The following PLAAT5 variants were observed in gnomAD, a reference collection of about 807,000 sequenced individuals.
The protein encoded by PLAAT5 is Ca(2+)-independent N-acyltransferase.
In PLAAT5, 27 loss-of-function variants were observed where a neutral mutation model predicts 27.8. The ratio of observed to expected loss-of-function variants is 0.97; its 90% CI spans 0.72 to 1.34. The LOEUF (loss-of-function observed/expected upper bound fraction) is 1.34, where lower values mean the gene tolerates loss of function less well. Ranked by LOEUF, PLAAT5 falls within the 40% of genes most tolerant of loss-of-function variation. The probability of loss-of-function intolerance (pLI) is 0.00; values close to 1 mark genes in which losing one functional copy is unlikely to be tolerated. For synonymous variants in PLAAT5, 125 were observed against 136.1 expected, an observed-to-expected ratio of 0.92 and a Z score of 0.57; for missense variants, 368 against 343.8, an observed-to-expected ratio of 1.07 and a Z score of -0.56.
chr11:63,480,208 A>G (rs1590621860), intron 3 of PLAAT5, among the ~76,000 whole-genome samples: 2 of 152,228 alleles, frequency 1.3e-5, no homozygotes, highest in African/African-American at 4.8e-5. Flanking sequence ...GTCATTCCCT[A>G]TGACAACAAA....
chr11:63,476,354 T>A (rs1347700118), intron 3 of PLAAT5, among the ~76,000 whole-genome samples: 1 of 152,124 alleles, frequency 6.6e-6, no homozygotes, highest in Non-Finnish European at 1.5e-5. Flanking sequence ...TGACTTTCTT[T>A]CCACCCAAAG....
intron 3 of PLAAT5, among the ~76,000 whole-genome samples, chr11:63,475,309 T>A (rs929388294): frequency 6.6e-6 from 1 of 152,126 alleles, no homozygotes; most frequent in Non-Finnish European, 1.5e-5. Flanking sequence ...AGTTTTTGCT[T>A]CATACTTTTT....
chr11:63,478,602 C>G (rs1173363965), intron 3 of PLAAT5, among the ~76,000 whole-genome samples: 1 of 152,220 alleles, frequency 6.6e-6, no homozygotes, highest in Non-Finnish European at 1.5e-5. Flanking sequence ...CGTGAGCCCA[C>G]GCCCGACCAC....
chr11:63,476,831 A>G (rs535934891), intron 3 of PLAAT5, among the ~76,000 whole-genome samples: 5 of 152,128 alleles, frequency 3.3e-5, no homozygotes, highest in Non-Finnish European at 7.4e-5. Context: ...GGTTTGCTCA[A>G]TGGTGTCTCC....
At chr11:63,464,978 T>C (rs1271184972) in intron 5 of PLAAT5, among the ~76,000 whole-genome samples, 2 of 152,040 alleles carry the variant, frequency 1.3e-5, no homozygotes, top group African/African-American at 4.8e-5. Context: ...ATCAATTGTA[T>C]GTTAAAAAGA....
intron 5 of PLAAT5, among the ~76,000 whole-genome samples, chr11:63,464,548 C>T (rs749919564): frequency 2.0e-5 from 3 of 151,846 alleles, no homozygotes; most frequent in Non-Finnish European, 4.4e-5. Flanking sequence ...CCCAGCTACT[C>T]GGGAGGCTGA....
At chr11:63,483,398 T>C (rs1459738520) in intron 3 of PLAAT5, among the ~76,000 whole-genome samples, 2 of 151,950 alleles carry the variant, frequency 1.3e-5, no homozygotes, top group Admixed American at 1.3e-4. Context: ...ATCGAAAATA[T>C]ATCAAGTACC....
At chr11:63,480,286 T>C (rs1390207710) in intron 3 of PLAAT5, among the ~76,000 whole-genome samples, 4 of 152,190 alleles carry the variant, frequency 2.6e-5, no homozygotes, top group African/African-American at 9.7e-5. Context: ...ACCCAATTCA[T>C]TGTGAGGCCA....
intron 3 of PLAAT5, among the ~76,000 whole-genome samples, chr11:63,480,674 G>A (rs570766883): frequency 6.6e-6 from 1 of 152,254 alleles, no homozygotes; most frequent in East Asian, 1.9e-4. Flanking sequence ...AGTTTTAAAA[G>A]CTCCTTAGGT....
At chr11:63,481,062 T>C (rs910041228) in intron 3 of PLAAT5, among the ~76,000 whole-genome samples, 2 of 152,250 alleles carry the variant, frequency 1.3e-5, no homozygotes, top group Admixed American at 1.3e-4. Flanking sequence ...CTGGAGCATT[T>C]TTCATCCATA....
Position 63,482,077 on chromosome 11 carries a change from T to G in PLAAT5, c.345+6794A>C, listed in dbSNP as rs142573645. On this transcript the variant is annotated intron_variant, in intron 3 of 5. Transcript: ENST00000540857. ...ATAATAATAAAAAAAAAGAAAAAAATAATCAAAAGTATGAACAAAGCCTCC... is the reference window on the plus strand; with the variant it reads ...ATAATAATAAAAAAAAAGAAAAAAAGAATCAAAAGTATGAACAAAGCCTCC... Among the ~76,000 whole-genome samples the G allele has an allele frequency of 1.6e-4, 25 of 151,518 alleles. No individual in the cohort carries two copies. The East Asian group carries it at 4.1e-3, about 25-fold the overall frequency.
chr11:63,491,151 G>T lies in PLAAT5; in HGVS notation c.-117C>A. On this transcript the variant is annotated 5_prime_UTR_variant, in exon 1 of 6. Transcript: ENST00000540857. Reference sequence around the variant, plus strand: ...CGCGGAAGCTTGGGCACTGGGGGCGGCTCGGGGAGGAACCGCGGAGGGGAA... The same window carrying T: ...CGCGGAAGCTTGGGCACTGGGGGCGTCTCGGGGAGGAACCGCGGAGGGGAA... The T allele has an allele frequency of 1.1e-6, 1 of 910,478 alleles. No individual in the cohort carries two copies. Among genetic ancestry groups the T allele is most frequent in the Non-Finnish European group, 1.5e-6 (1 of 668,136 alleles). The allele number at this position is 910,478 out of a possible 1,614,324, so 56.4% of individuals were successfully genotyped here. A position where few individuals can be genotyped will look rare whatever the true frequency, so the allele number is the denominator to read the frequency against.
intron 1 of PLAAT5, chr11:63,490,611 G>A: frequency 1.6e-6 from 1 of 611,720 alleles, no homozygotes; most frequent in Non-Finnish European, 2.8e-6. Context: ...CCGATGGGAG[G>A]AACCTCTGCC....
At chr11:63,474,698 G>C (rs1456645943) in intron 3 of PLAAT5, among the ~76,000 whole-genome samples, 1 of 151,316 alleles carries the variant, frequency 6.6e-6, no homozygotes, top group Non-Finnish European at 1.5e-5. Context: ...TCTTACTTCT[G>C]CTTGTTTTGG....
In PLAAT5 at chr11:63,490,290, C is replaced by T. The variant is rs768380801; in HGVS notation, c.192G>A (p.Lys64=). The change falls in exon 2 of 6, where the codon AAG becomes AAA. Residue 64 remains lysine (K), a synonymous_variant. Coordinates refer to ENST00000540857, the MANE Select transcript of PLAAT5 (RefSeq NM_001146729.2). ...GTTCTAATGTGCCCGGCGGAGGCTG[C>T]TTGGCTGGGAGCTGGACCAACGCTG... ...GFAALVQLPA[K]QPPPGTLEQG... is the part of the protein sequence containing the mutation. 2 of 1,614,224 alleles carry T rather than the reference C, an allele frequency of 1.2e-6. No individual in the cohort carries two copies. Among genetic ancestry groups the T allele is most frequent in the Non-Finnish European group, 1.7e-6 (2 of 1,180,038 alleles).
intron 1 of PLAAT5, chr11:63,490,577 G>T: frequency 1.5e-6 from 1 of 652,102 alleles, no homozygotes. Flanking sequence ...GGATGAAGAA[G>T]GGCGCCTCGC....
At chr11:63,468,114 C>T (rs949792879) in intron 4 of PLAAT5, among the ~76,000 whole-genome samples, 2 of 152,134 alleles carry the variant, frequency 1.3e-5, no homozygotes, top group African/African-American at 4.8e-5. Context: ...ACAAAGGGCC[C>T]TCTAGGAGGT....
chr11:63,485,841 C>T (rs117440627), intron 3 of PLAAT5, among the ~76,000 whole-genome samples: 2,159 of 152,212 alleles, frequency 0.014, 24 homozygotes, highest in Middle Eastern at 0.02. Flanking sequence ...AACGGACAAC[C>T]CACAGAGTGG....
Position 63,463,578 on chromosome 11 carries a change from C to T in PLAAT5, c.735G>A (p.Met245Ile), listed in dbSNP as rs1396318119. 6.2e-7 allele frequency: 1 copy of T among 1,613,554 alleles called. No individual in the cohort carries two copies. The highest frequency in any genetic ancestry group is 1.3e-5 in the African/African-American group (1 of 74,920). Residue 245 changes from methionine to isoleucine, a missense_variant, in exon 6 of 6, where the codon ATG becomes ATA. Transcript: ENST00000540857. Reference protein sequence around the residue: ...PRSQQVEHALMEGAKAAGAVI... With the variant: ...PRSQQVEHALIEGAKAAGAVI... ...CTGCTCCAGCAGCCTTCGCTCCTTC[C>T]ATCAGGGCGTGCTCTACCTGCAAAG...
Sources: allele counts gnomAD v4.1 joint callset (sites outside exome capture counted in the v4.1 genomes callset), GRCh38; gene constraint gnomAD v4.1.1; transcripts MANE v1.5; gene names NCBI Gene and HGNC (gene_info 2026-07-23, HGNC 2026-07-21).